Variants in NTRK3 observed in about 807,000 individuals in gnomAD.
NTRK3 encodes the protein neurotrophic receptor tyrosine kinase 3.
In NTRK3, 24 loss-of-function variants were observed where a neutral mutation model predicts 91.7. That is an observed-to-expected ratio of 0.26 (90% CI 0.19 to 0.37). The LOEUF is 0.37. NTRK3 is among the 10% of genes least tolerant of loss of function. The pLI is 1.00. For synonymous variants in NTRK3, 483 were observed against 404.0 expected (o/e 1.20, Z -2.34); for missense variants, 880 against 1,068.9 (o/e 0.82, Z 2.46).
At chr15:88,161,148 C>T (rs1330379508) in intron 5 of NTRK3, among the ~76,000 whole-genome samples, 3 of 152,118 alleles carry the variant, frequency 2.0e-5, no homozygotes, top group Non-Finnish European at 4.4e-5. Context: ...TTGCTCTTGG[C>T]CAGCTATCTT....
At chr15:88,112,289 G>C (rs16941261) in intron 13 of NTRK3, among the ~76,000 whole-genome samples, 39,431 of 152,116 alleles carry the variant, frequency 0.26, 5,585 homozygotes, top group African/African-American at 0.35. Context: ...AAACCAACAT[G>C]TCAAGGCAAA....
At chr15:88,252,104 GGC>G (rs2053452814) in intron 3 of NTRK3, among the ~76,000 whole-genome samples, 1 of 152,114 alleles carries the variant, frequency 6.6e-6, no homozygotes, top group Admixed American at 6.5e-5. Context: ...CTTTCTCTGG[GGC>G]TGTAACTACT....
At chr15:88,080,342 G>A (rs1468486616) in intron 13 of NTRK3, among the ~76,000 whole-genome samples, 2 of 152,170 alleles carry the variant, frequency 1.3e-5, no homozygotes, top group African/African-American at 4.8e-5. Context: ...AGGGGAATGA[G>A]AGCCCCCTTT....
At chr15:88,198,088 A>C (rs747474635) in intron 3 of NTRK3, among the ~76,000 whole-genome samples, 2 of 152,148 alleles carry the variant, frequency 1.3e-5, no homozygotes, top group Non-Finnish European at 2.9e-5. Context: ...GGGCTCAAAG[A>C]ATGTTTATTT....
chr15:88,067,149 T>G (rs2046719333), intron 13 of NTRK3, among the ~76,000 whole-genome samples: 1 of 152,246 alleles, frequency 6.6e-6, no homozygotes, highest in South Asian at 2.1e-4. Context: ...TTCCCTTGGA[T>G]CAGTTCCATG....
At chr15:88,148,994 G>T (rs903383833) in intron 5 of NTRK3, among the ~76,000 whole-genome samples, 1 of 152,212 alleles carries the variant, frequency 6.6e-6, no homozygotes, top group African/African-American at 2.4e-5. Context: ...GAGGCGATGG[G>T]ATAGAGACCT....
chr15:88,121,537 C>T (rs565194760), intron 13 of NTRK3, among the ~76,000 whole-genome samples: 400 of 152,346 alleles, frequency 2.6e-3, no homozygotes, highest in South Asian at 9.7e-3. Context: ...TCTGAACCAT[C>T]TCACTTCCAG....
intron 10 of NTRK3, among the ~76,000 whole-genome samples, chr15:88,129,786 G>C (rs1274380238): frequency 6.6e-6 from 1 of 152,154 alleles, no homozygotes; most frequent in Non-Finnish European, 1.5e-5. Flanking sequence ...AACAATGATA[G>C]TCCTGGATTG....
chr15:88,066,760 C>A (rs989016736), intron 13 of NTRK3, among the ~76,000 whole-genome samples: 5 of 152,154 alleles, frequency 3.3e-5, no homozygotes, highest in African/African-American at 1.2e-4. Context: ...ACAGTGCCAG[C>A]CTGGGATGGA....
At chr15:88,107,264 A>G (rs1033466369) in intron 13 of NTRK3, among the ~76,000 whole-genome samples, 4 of 152,040 alleles carry the variant, frequency 2.6e-5, no homozygotes, top group Admixed American at 6.5e-5. Flanking sequence ...GCAACATGGC[A>G]AAACCCTGTC....
intron 3 of NTRK3, among the ~76,000 whole-genome samples, chr15:88,217,546 C>G (rs970888251): frequency 6.6e-6 from 1 of 152,118 alleles, no homozygotes; most frequent in Non-Finnish European, 1.5e-5. Flanking sequence ...GTACCTAGAA[C>G]AGCCAGATTT....
At chr15:87,994,155 G>T (rs2075503980) in intron 14 of NTRK3, among the ~76,000 whole-genome samples, 1 of 152,166 alleles carries the variant, frequency 6.6e-6, no homozygotes, top group Non-Finnish European at 1.5e-5. Flanking sequence ...ATGGTCACCA[G>T]GCAGAAATGC....
At chr15:88,050,807 G>C (rs192689702) in intron 13 of NTRK3, among the ~76,000 whole-genome samples, 8 of 152,146 alleles carry the variant, frequency 5.3e-5, no homozygotes, top group Non-Finnish European at 8.8e-5. Context: ...CCTGCCAACT[G>C]TCCCTCAGCT....
At chr15:88,145,583 G>GT in intron 6 of NTRK3, among the ~76,000 whole-genome samples, 1 of 152,228 alleles carries the variant, frequency 6.6e-6, no homozygotes, top group East Asian at 1.9e-4. Context: ...CGGAACAACT[G>GT]TTTCTAAAAC....
rs2142016880 is a variant in NTRK3 at position 87,940,605 on chromosome 15, C to T, written c.1716+18G>A. ...CAGCCAGCCCTCCTCCTGGTGCCGG[C>T]ATGCCTCTGGGGTTTACCTTCACAG... On this transcript the variant is annotated intron_variant, in intron 15 of 18. Transcript: ENST00000394480. The T allele has an allele frequency of 6.2e-7, 1 of 1,613,260 alleles. No individual in the cohort carries two copies. The highest frequency in any genetic ancestry group is 8.5e-7 in the Non-Finnish European group (1 of 1,180,018).
chr15:87,889,986 A>ATTTATTTAT (rs1360240632), intron 17 of NTRK3, among the ~76,000 whole-genome samples: 1 of 149,660 alleles, frequency 6.7e-6, no homozygotes. Flanking sequence ...TTATTTATTT[A>ATTTATTTAT]TTGTTGATGA....
chr15:87,973,857 C>T (rs2073471557), intron 14 of NTRK3, among the ~76,000 whole-genome samples: 1 of 152,146 alleles, frequency 6.6e-6, no homozygotes, highest in Non-Finnish European at 1.5e-5. Context: ...TCCCTGCCAC[C>T]TTCATTTTGC....
chr15:88,191,103 C>T (rs533959436), intron 3 of NTRK3, among the ~76,000 whole-genome samples: 49 of 151,808 alleles, frequency 3.2e-4, no homozygotes, highest in African/African-American at 1.1e-3. Flanking sequence ...GGTACCTAAG[C>T]GTACGACACT....
chr15:87,957,424 C>G (rs576023226), intron 14 of NTRK3, among the ~76,000 whole-genome samples: 1 of 152,320 alleles, frequency 6.6e-6, no homozygotes, highest in South Asian at 2.1e-4. Flanking sequence ...GGGCTGGACT[C>G]CCACCCAGGT....
Sources: gnomAD v4.1 joint callset for allele counts (sites outside exome capture counted in the v4.1 genomes callset) on GRCh38, gnomAD v4.1.1 for gene constraint, MANE v1.5 for transcripts, NCBI Gene and HGNC (gene_info 2026-07-23, HGNC 2026-07-21) for gene names.